Variants in ABLIM1 observed in about 807,000 individuals in gnomAD.
ABLIM1 encodes actin binding LIM protein 1, also known as actin-binding LIM protein 1.
A neutral mutation model predicts 107.0 loss-of-function variants in ABLIM1; 40 were observed. That is an observed-to-expected ratio of 0.37 (90% CI 0.29 to 0.49). The LOEUF (loss-of-function observed/expected upper bound fraction) is 0.49, where lower values mean the gene tolerates loss of function less well. Ranked by LOEUF, ABLIM1 falls within the 20% of genes least tolerant of loss-of-function variation. The pLI, the probability that ABLIM1 is intolerant of heterozygous loss-of-function variation, is 0.97. For synonymous variants in ABLIM1, 357 were observed against 357.3 expected, an observed-to-expected ratio of 1.00 and a Z score of 0.01; for missense variants, 857 against 1,008.5, an observed-to-expected ratio of 0.85 and a Z score of 2.04.
rs561050479 is a variant in ABLIM1, at chr10:114,543,278, C to T, written c.894+1727G>A. Among the ~76,000 whole-genome samples the T allele has an allele frequency of 4.6e-5, 7 of 152,328 alleles. No individual in the cohort carries two copies. In the South Asian group the frequency reaches 1.4e-3, roughly 32 times the overall value. On this transcript the variant is annotated intron_variant, in intron 6 of 22. Coordinates refer to ENST00000533213, the MANE Select transcript of ABLIM1 (RefSeq NM_002313.7). The stretch of plus-strand genomic sequence containing the variant: ...CTAATTCCAAAATATTTTCATCACC[C>T]CAAAAGGAAATCCTGTATCCATAAA...
At chr10:114,454,561 A>G (rs1028517593) in intron 12 of ABLIM1, among the ~76,000 whole-genome samples, 2 of 152,166 alleles carry the variant, frequency 1.3e-5, no homozygotes, top group Admixed American at 1.3e-4. Context: ...AGGAGAGAAG[A>G]GGGACCAGGG....
At chr10:114,683,785 C>T (rs78011423) in intron 1 of ABLIM1, among the ~76,000 whole-genome samples, 4,294 of 152,258 alleles carry the variant, frequency 0.028, 195 homozygotes, top group African/African-American at 0.091. Flanking sequence ...TTCTGTTGGA[C>T]GTGGTGTTGG....
intron 1 of ABLIM1, among the ~76,000 whole-genome samples, chr10:114,718,280 C>CAG (rs2081752342): frequency 6.6e-6 from 1 of 152,038 alleles, no homozygotes; most frequent in Non-Finnish European, 1.5e-5. Context: ...AATAAAACTT[C>CAG]CAAACTATCA....
rs141314765 is a variant in ABLIM1 at position 114,758,587 on chromosome 10, G to A, written c.-213+9474C>T. Among the ~76,000 whole-genome samples the A allele has an allele frequency of 2.0e-3, 304 of 152,076 alleles. 2 individuals are homozygous for A. The highest frequency in any genetic ancestry group is 6.6e-3 in the African/African-American group (275 of 41,452). ...CCCTCCCTCCTTCCCCCAGACTCTG[G>A]GACTCCTCTCCTTCTGTTCATTCCT... On this transcript the variant is annotated intron_variant, in intron 1 of 15. Coordinates refer to the ABLIM1 transcript ENST00000651092.
At chr10:114,684,145 T>C (rs530766293) in intron 1 of ABLIM1, 1 of 762,484 alleles carries the variant, frequency 1.3e-6, no homozygotes, top group Non-Finnish European at 2.0e-6. Flanking sequence ...ATCACAGAAA[T>C]AGATTGTAAA....
intron 1 of ABLIM1, among the ~76,000 whole-genome samples, chr10:114,703,126 C>A (rs936350866): frequency 6.6e-6 from 1 of 152,096 alleles, no homozygotes; most frequent in Non-Finnish European, 1.5e-5. Flanking sequence ...CATGGAATCG[C>A]CTTTGTAAAA....
chr10:114,445,852 C>A (rs2060938253), intron 15 of ABLIM1, among the ~76,000 whole-genome samples: 2 of 152,308 alleles, frequency 1.3e-5, no homozygotes, highest in South Asian at 2.1e-4. Context: ...CTCAGTGCAG[C>A]CTCGACCTCC....
intron 1 of ABLIM1, among the ~76,000 whole-genome samples, chr10:114,630,528 A>G (rs1204096616): frequency 6.6e-6 from 1 of 152,222 alleles, no homozygotes; most frequent in Non-Finnish European, 1.5e-5. Context: ...TGAATAGAGC[A>G]GAATCATGTT....
chr10:114,574,068 T>C (rs2138897025), intron 3 of ABLIM1, among the ~76,000 whole-genome samples: 1 of 152,398 alleles, frequency 6.6e-6, no homozygotes, highest in Non-Finnish European at 1.5e-5. Flanking sequence ...TGTCTTATTA[T>C]GATTTATCAG....
At chr10:114,591,234 G>A (rs2074833696) in intron 2 of ABLIM1, among the ~76,000 whole-genome samples, 1 of 152,072 alleles carries the variant, frequency 6.6e-6, no homozygotes, top group African/African-American at 2.4e-5. Context: ...ATGCCATCAG[G>A]ATGGGTGTTT....
chr10:114,471,290 A>G (rs776759525), intron 10 of ABLIM1, among the ~76,000 whole-genome samples: 120 of 152,308 alleles, frequency 7.9e-4, no homozygotes, highest in Middle Eastern at 6.8e-3. Flanking sequence ...GGAAACGCAC[A>G]CAGACACGTA....
chr10:114,647,113 AG>A (rs2079042712), intron 1 of ABLIM1, among the ~76,000 whole-genome samples: 1 of 152,162 alleles, frequency 6.6e-6, no homozygotes, highest in African/African-American at 2.4e-5. Flanking sequence ...ATTGTGCCTC[AG>A]CCTCCCAAGT....
chr10:114,532,136 C>G (rs1383526833), intron 6 of ABLIM1, among the ~76,000 whole-genome samples: 1 of 152,160 alleles, frequency 6.6e-6, no homozygotes, highest in Non-Finnish European at 1.5e-5. Context: ...TTTCTGCTAA[C>G]CACTCTTCTC....
At chr10:114,644,306 A>AATATATATATATATATATATAT (rs1244613103) in intron 1 of ABLIM1, among the ~76,000 whole-genome samples, 1 of 52,254 alleles carries the variant, frequency 1.9e-5, no homozygotes, top group African/African-American at 9.2e-5. Flanking sequence ...AAAAAAAAAA[A>AATATATATATATATATATATAT]ATATATATAT....
intron 4 of ABLIM1, among the ~76,000 whole-genome samples, chr10:114,558,529 A>G (rs1158979582): frequency 6.6e-6 from 1 of 152,106 alleles, no homozygotes; most frequent in African/African-American, 2.4e-5. Flanking sequence ...TGATGAGCCC[A>G]TGAGGGCTGA....
chr10:114,580,078 C>T (rs1007262270), intron 2 of ABLIM1, among the ~76,000 whole-genome samples: 1 of 151,940 alleles, frequency 6.6e-6, no homozygotes, highest in African/African-American at 2.4e-5. Context: ...CAGATGACTT[C>T]TGTCTGGTTT....
intron 6 of ABLIM1, among the ~76,000 whole-genome samples, chr10:114,540,114 C>T (rs766750262): frequency 3.3e-5 from 5 of 152,156 alleles, no homozygotes; most frequent in Non-Finnish European, 7.3e-5. Flanking sequence ...GAAAACAAAA[C>T]TGAAAACAAG....
chr10:114,602,268 A>G (rs571252543), intron 1 of ABLIM1, among the ~76,000 whole-genome samples: 1 of 152,312 alleles, frequency 6.6e-6, no homozygotes, highest in South Asian at 2.1e-4. Context: ...GCTTAGTTCA[A>G]TATTTTGTTA....
the ABLIM1 span, among the ~76,000 whole-genome samples, chr10:114,785,231 C>T: frequency 6.6e-6 from 1 of 152,210 alleles, no homozygotes; most frequent in East Asian, 1.9e-4. Flanking sequence ...TTCATAGATT[C>T]TAACTCCTAG....
Sources: gnomAD v4.1 joint callset for allele counts (sites outside exome capture counted in the v4.1 genomes callset) on GRCh38, gnomAD v4.1.1 for gene constraint, MANE v1.5 for transcripts, NCBI Gene and HGNC (gene_info 2026-07-23, HGNC 2026-07-21) for gene names.